The following KIAA0408 variants were observed in gnomAD, a reference collection of about 807,000 sequenced individuals.
KIAA0408 encodes KIAA0408.
Under a neutral mutation model 60.9 loss-of-function variants are expected in KIAA0408, and 51 were observed. That is an observed-to-expected ratio of 0.84 (90% CI 0.67 to 1.06). The LOEUF (loss-of-function observed/expected upper bound fraction) is 1.06. Ranked by LOEUF, KIAA0408 falls within the 50% of genes least tolerant of loss-of-function variation. The pLI, the probability that KIAA0408 is intolerant of heterozygous loss-of-function variation, is 0.00. For synonymous variants in KIAA0408, 304 were observed against 282.4 expected, an observed-to-expected ratio of 1.08 and a Z score of -0.77; for missense variants, 787 against 833.9, an observed-to-expected ratio of 0.94 and a Z score of 0.69.
At position 127,445,874 on chromosome 6, in the gene KIAA0408, T is replaced by C. The variant is rs1005353432; in HGVS notation, c.1911+534A>G. 2.0e-5 allele frequency among the ~76,000 whole-genome samples: 3 copies of C among 152,110 alleles called. No individual in the cohort carries two copies. The South Asian group carries it at 6.2e-4, about 32-fold the overall frequency. On this transcript the variant is annotated intron_variant, in intron 5 of 5. Coordinates refer to ENST00000483725, the MANE Select transcript of KIAA0408 (RefSeq NM_014702.5). ...TAACCTTATTTATATATACTATCTT[T>C]TAGTTCCACAGATAAAAGGACTCTA...
chr6:127,446,501 T>A lies in KIAA0408; in HGVS notation c.1818A>T (p.Glu606Asp). 1 of 1,614,172 alleles carries A rather than the reference T, an allele frequency of 6.2e-7. No individual in the cohort carries two copies. The highest frequency in any genetic ancestry group is 8.5e-7 in the Non-Finnish European group (1 of 1,180,010). Residue 606 changes from glutamate (E) to aspartate (D), a missense_variant, in exon 5 of 6, where the codon GAA (glutamate) becomes GAT (aspartate). Coordinates refer to ENST00000483725, the MANE Select transcript of KIAA0408 (RefSeq NM_014702.5). Reference protein sequence around the residue: ...SGGATLSQHLEMLQMEQQFQQ... With the variant: ...SGGATLSQHLDMLQMEQQFQQ... Reference sequence around the variant, plus strand: ...GAAACTGTTGTTCCATTTGGAGCATTTCTAAATGCTGACTTAATGTGGCAC... The same window carrying A: ...GAAACTGTTGTTCCATTTGGAGCATATCTAAATGCTGACTTAATGTGGCAC...
At position 127,447,191 on chromosome 6, in the gene KIAA0408, C is replaced by G. The variant is rs370337031; in HGVS notation, c.1128G>C (p.Ser376=). ...GIGAKRSPST[S]WFQKTCSTPS... ...GGGTAGAGCAGGTTTTCTGAAACCA[C>G]GAAGTAGAGGGGCTCCTTTTTGCAC... The change falls in exon 5 of 6, where the codon TCG becomes TCC. Residue 376 remains serine, a synonymous_variant. Transcript: ENST00000483725. 6.2e-7 allele frequency: 1 copy of G among 1,611,974 alleles called. No individual in the cohort carries two copies. Among genetic ancestry groups the G allele is most frequent in the South Asian group, 1.1e-5 (1 of 90,658 alleles).
chr6:127,448,581 C>T (rs1172462796), intron 4 of KIAA0408, among the ~76,000 whole-genome samples: 4 of 143,368 alleles, frequency 2.8e-5, no homozygotes, highest in Admixed American at 7.0e-5. Context: ...AACTAAATAT[C>T]GCAATTCAAA....
rs768317819 is a variant in KIAA0408 at position 127,447,547 on chromosome 6, C to G, written c.772G>C (p.Asp258His). ...GGTGGAGTTTCATTTCTTTTTAAAT[C>G]GATTGTATCAATTCCACATTTTTTC... is the stretch of plus-strand genomic sequence containing the variant. ...STKKCGIDTI[D>H]LKRNETPPVP... is the part of the protein sequence containing the mutation. Residue 258 changes from aspartate (D) to histidine (H), a missense_variant, in exon 5 of 6, where the codon GAT becomes CAT. Physicochemically the swap from Asp to His is moderately conservative, Grantham distance 81 (BLOSUM62 -1). Transcript: ENST00000483725. 2 of 1,610,468 alleles carry G rather than the reference C, an allele frequency of 1.2e-6. No individual in the cohort carries two copies. Among genetic ancestry groups the G allele is most frequent in the African/African-American group, 1.3e-5 (1 of 74,480 alleles).
In KIAA0408 at chr6:127,459,304, G is replaced by A. The variant is rs1383569552; in HGVS notation, c.-250C>T. The A allele has an allele frequency of 1.3e-5, 2 of 152,196 alleles. No individual in the cohort carries two copies. The highest frequency in any genetic ancestry group is 6.5e-5 in the Admixed American group (1 of 15,278). The allele number at this position is 152,196 out of a possible 1,614,324, so 9.4% of individuals were successfully genotyped here. A position where few individuals can be genotyped will look rare whatever the true frequency, so the allele number is the denominator to read the frequency against. On this transcript the variant is annotated 5_prime_UTR_variant, in exon 1 of 6. Transcript: ENST00000483725. ...GAATCTCGATTCTTTACAAGAAAAG[G>A]GGATGCAAAATAAGTCCAACCATTC...
At chr6:127,451,857 AT>A (rs748688740) in intron 2 of KIAA0408, among the ~76,000 whole-genome samples, 41 of 152,094 alleles carry the variant, frequency 2.7e-4, no homozygotes, top group Non-Finnish European at 5.3e-4. Flanking sequence ...ATGGAAAACT[AT>A]TTTGTACAAA....
chr6:127,446,984 A>C lies in KIAA0408; in HGVS notation c.1335T>G (p.Phe445Leu). ...NEKLAAKTDE[F>L]NRTVFRTDRN... The stretch of plus-strand genomic sequence containing the variant: ...TATCTGTTCTAAATACAGTTCTGTT[A>C]AATTCATCAGTCTTTGCTGCCAGCT... The change falls in exon 5 of 6, where the codon TTT becomes TTG. Residue 445 changes from phenylalanine (F) to leucine (L), a missense_variant. Phe to Leu is a conservative substitution (Grantham distance 22). Around this residue, in one of 3 missense-constraint regions of KIAA0408, gnomAD observed 640 missense variants for 681.3 expected, o/e 0.94. Coordinates refer to ENST00000483725, the MANE Select transcript of KIAA0408 (RefSeq NM_014702.5). The C allele has an allele frequency of 6.2e-7, 1 of 1,613,968 alleles. No homozygotes were observed. Among genetic ancestry groups the C allele is most frequent in the Non-Finnish European group, 8.5e-7 (1 of 1,179,994 alleles).
rs776849728 is a variant in KIAA0408 at position 127,446,906 on chromosome 6, A to G, written c.1413T>C (p.Asp471=). 2 of 1,614,024 alleles carry G rather than the reference A, an allele frequency of 1.2e-6. No individual in the cohort carries two copies. The highest frequency in any genetic ancestry group is 1.7e-6 in the Non-Finnish European group (2 of 1,179,986). The part of the protein sequence containing the change: ...QNHSCSKSSE[D]LKPCDTSSTH... ...TAGATGAGGTATCACAGGGCTTGAGATCCTCCGATGATTTTGAGCAGCTGT... is the reference window on the plus strand; with the variant it reads ...TAGATGAGGTATCACAGGGCTTGAGGTCCTCCGATGATTTTGAGCAGCTGT... Residue 471 remains aspartate (D), a synonymous_variant, in exon 5 of 6, where the codon GAT becomes GAC. Transcript: ENST00000483725.
Position 127,447,234 on chromosome 6 carries a change from G to C in KIAA0408, c.1085C>G (p.Ser362Ter), listed in dbSNP as rs367991658. ...SNEDVGLSMWSCDIGIGAKRS... is the reference protein window; with the variant it reads ...SNEDVGLSMW ...TTTTGCACCTATCCCAATGTCACAT[G>C]ACCACATGCTAAGTCCAACATCTTC... The change falls in exon 5 of 6, where the codon TCA becomes TGA. Residue 362 changes from serine (S) to a stop codon, truncating the protein, a stop_gained. Coordinates refer to ENST00000483725, the MANE Select transcript of KIAA0408 (RefSeq NM_014702.5). LOFTEE classifies it high-confidence loss of function. The C allele has an allele frequency of 6.2e-7, 1 of 1,613,298 alleles. No homozygotes were observed. Among genetic ancestry groups the C allele is most frequent in the African/African-American group, 1.3e-5 (1 of 74,878 alleles).
At position 127,450,364 on chromosome 6, in the gene KIAA0408, A is replaced by C. The variant is rs1425436555; in HGVS notation, c.136-12T>G. 6.4e-7 allele frequency: 1 copy of C among 1,566,144 alleles called. No individual in the cohort carries two copies. Among genetic ancestry groups the C allele is most frequent in the Admixed American group, 2.0e-5 (1 of 49,748 alleles). On this transcript the variant is annotated splice_polypyrimidine_tract_variant and intron_variant, in intron 2 of 5. Coordinates refer to ENST00000483725, the MANE Select transcript of KIAA0408 (RefSeq NM_014702.5). ...ACTTCCCGGCAAAGCTGTAAGAAAAACAAAACAAAATTAAAACTTCTTTTC... is the reference window on the plus strand; with the variant it reads ...ACTTCCCGGCAAAGCTGTAAGAAAACCAAAACAAAATTAAAACTTCTTTTC...
chr6:127,439,465 T>A lies in KIAA0408; in HGVS notation c.*4644A>T, dbSNP rs1773069933. 1 of 152,200 alleles carries A rather than the reference T, an allele frequency of 6.6e-6. No individual in the cohort carries two copies. The highest frequency in any genetic ancestry group is 1.5e-5 in the Non-Finnish European group (1 of 68,030). 9.4% of individuals were successfully genotyped at this position (152,200 alleles called of 1,614,324 possible). ...TGTTAAAGCCTTGTTCACAACTTCT[T>A]GAATTTCATAAAACCATTTAAGTCA... On this transcript the variant is annotated 3_prime_UTR_variant, in exon 6 of 6. Coordinates refer to ENST00000483725, the MANE Select transcript of KIAA0408 (RefSeq NM_014702.5).
rs752029983 is a variant in KIAA0408 at position 127,447,577 on chromosome 6, A to T, written c.742T>A (p.Ser248Thr). 6.2e-7 allele frequency: 1 copy of T among 1,611,496 alleles called. No individual in the cohort carries two copies. Among genetic ancestry groups the T allele is most frequent in the South Asian group, 1.1e-5 (1 of 90,410 alleles). ...LSCTNVLQSN[S>T]TKKCGIDTID... The stretch of plus-strand genomic sequence containing the variant: ...GTATCAATTCCACATTTTTTCGTAG[A>T]ATTGCTCTGGAGCACATTGGTACAG... The change falls in exon 5 of 6, where the codon TCT becomes ACT. Residue 248 changes from serine (S) to threonine (T), a missense_variant. Around this residue, in one of 3 missense-constraint regions of KIAA0408, gnomAD observed 640 missense variants for 681.3 expected, o/e 0.94. Transcript: ENST00000483725.
At position 127,439,196 on chromosome 6, in the gene KIAA0408, G is replaced by C. The variant is rs1773065905; in HGVS notation, c.*4913C>G. ...TTATAAATAACCCAGTCTCAAGTGT[G>C]TTTTGTTATAGCAGCACAAATGAGC... On this transcript the variant is annotated 3_prime_UTR_variant, in exon 6 of 6. Transcript: ENST00000483725. 6.5e-6 allele frequency: 1 copy of C among 153,370 alleles called. No homozygotes were observed. Among genetic ancestry groups the C allele is most frequent in the East Asian group, 1.9e-4 (1 of 5,256 alleles). The allele number at this position is 153,370 out of a possible 1,614,324, so 9.5% of individuals were successfully genotyped here.
At chr6:127,458,138 A>T (rs1773427498) in intron 1 of KIAA0408, among the ~76,000 whole-genome samples, 1 of 152,196 alleles carries the variant, frequency 6.6e-6, no homozygotes, top group Non-Finnish European at 1.5e-5. Context: ...CTTCTGCTTA[A>T]CTTTGATGGA....
intron 1 of KIAA0408, among the ~76,000 whole-genome samples, chr6:127,458,893 A>G (rs1773440307): frequency 6.6e-6 from 1 of 152,224 alleles, no homozygotes; most frequent in East Asian, 1.9e-4. Context: ...ACAACTGAGA[A>G]GCAGTGTTGG....
At chr6:127,445,214 G>A (rs929262946) in intron 5 of KIAA0408, among the ~76,000 whole-genome samples, 1 of 152,148 alleles carries the variant, frequency 6.6e-6, no homozygotes, top group African/African-American at 2.4e-5. Context: ...AACAAAAACT[G>A]CTCCTGAGGA....
At chr6:127,451,172 G>T in intron 2 of KIAA0408, 1 of 391,724 alleles carries the variant, frequency 2.6e-6, no homozygotes, top group Middle Eastern at 7.8e-4. Flanking sequence ...AAAAGAGACT[G>T]TCAGATGACT....
chr6:127,447,759 T>G lies in KIAA0408; in HGVS notation c.579-19A>C, dbSNP rs1475571009. The G allele has an allele frequency of 2.6e-6, 4 of 1,514,898 alleles. No homozygotes were observed. Among genetic ancestry groups the G allele is most frequent in the Non-Finnish European group, 3.5e-6 (4 of 1,137,848 alleles). The allele number at this position is 1,514,898 out of a possible 1,614,324, so 93.8% of individuals were successfully genotyped here. On this transcript the variant is annotated intron_variant, in intron 4 of 5. Transcript: ENST00000483725. The stretch of plus-strand genomic sequence containing the variant: ...CTTCATCCTAAACAATGATAAAACA[T>G]GGTGTATTGGTTATAACTTTATTTA...
intron 4 of KIAA0408, 89 bp downstream of exon 4, chr6:127,449,733 A>T: frequency 6.5e-7 from 1 of 1,528,004 alleles, no homozygotes; most frequent in Non-Finnish European, 8.9e-7. Flanking sequence ...TAGTTCTTAC[A>T]TGTAAGGAGG....
Sources: gnomAD v4.1 joint callset for allele counts (sites outside exome capture counted in the v4.1 genomes callset) on GRCh38, gnomAD v4.1.1 for gene constraint, gnomAD v4.1.1 regional missense constraint, MANE v1.5 for transcripts, NCBI Gene and HGNC (gene_info 2026-07-23, HGNC 2026-07-21) for gene names.